Variants in DLGAP2 observed in about 807,000 individuals in gnomAD.
DLGAP2 encodes DLG associated protein 2.
Under a neutral mutation model 100.3 loss-of-function variants are expected in DLGAP2, and 26 were observed. That is an observed-to-expected ratio of 0.26 (90% confidence interval 0.19 to 0.36). The LOEUF is 0.36. Among genes scored for constraint, DLGAP2 ranks in the 10% least tolerant of loss-of-function variants. The pLI is 1.00. For missense variants in DLGAP2, 1,858 were observed against 1,453.2 expected, an observed-to-expected ratio of 1.28 and a Z score of -4.53; for synonymous variants, 886 against 630.1, an observed-to-expected ratio of 1.41 and a Z score of -6.08.
chr8:763,049 T>G (rs1821126724), intron 1 of DLGAP2, among the ~76,000 whole-genome samples: 1 of 151,890 alleles, frequency 6.6e-6, no homozygotes, highest in South Asian at 2.1e-4. Flanking sequence ...TCACGAGTTA[T>G]TCAAAGAGGG....
intron 2 of DLGAP2, chr8:1,002,747 G>T (rs1248418863): frequency 6.6e-6 from 1 of 152,376 alleles, no homozygotes; most frequent in African/African-American, 2.4e-5. Context: ...GATACCAGGG[G>T]CGCACAGTGG....
At chr8:1,470,796 C>T (rs1364833351) in intron 3 of DLGAP2, among the ~76,000 whole-genome samples, 6 of 97,730 alleles carry the variant, frequency 6.1e-5, no homozygotes, top group Admixed American at 4.1e-4. Context: ...CTTTCCCGAC[C>T]CCTCCAGCCT....
intron 3 of DLGAP2, among the ~76,000 whole-genome samples, chr8:1,289,225 A>G (rs17063757): frequency 0.08 from 12,149 of 152,242 alleles, 1,201 homozygotes; most frequent in African/African-American, 0.24. Context: ...AAAACCATTT[A>G]AAGATTGGAT....
At chr8:791,202 C>T (rs1463177077) in intron 1 of DLGAP2, among the ~76,000 whole-genome samples, 3 of 152,146 alleles carry the variant, frequency 2.0e-5, no homozygotes, top group African/African-American at 4.8e-5. Flanking sequence ...TAATAATCAG[C>T]CCTAATCCTG....
At position 825,530 on chromosome 8, in the gene DLGAP2, A is replaced by G. The variant is rs80204781; in HGVS notation, c.19-82382A>G. Among the ~76,000 whole-genome samples the G allele has an allele frequency of 5.7e-3, 872 of 152,306 alleles. 8 individuals are homozygous for G. The highest frequency in any genetic ancestry group is 0.02 in the African/African-American group (817 of 41,586). The stretch of plus-strand genomic sequence containing the variant: ...CCACCCACTGAGAAACTTTGTTAGC[A>G]TGAAGTTCATCTTGTTCCCTTATTA... On this transcript the variant is annotated intron_variant, in intron 1 of 14. Transcript: ENST00000637795.
intron 3 of DLGAP2, among the ~76,000 whole-genome samples, chr8:1,299,242 G>C (rs973944381): frequency 3.3e-5 from 5 of 152,214 alleles, no homozygotes; most frequent in African/African-American, 9.6e-5. Context: ...ATAGATGCCA[G>C]TCCTGACCGT....
intron 2 of DLGAP2, among the ~76,000 whole-genome samples, chr8:1,165,912 C>T (rs1351419117): frequency 6.6e-6 from 1 of 151,100 alleles, no homozygotes; most frequent in African/African-American, 2.4e-5. Context: ...AAGATAATAA[C>T]AGATTTTGTT....
chr8:1,142,070 A>T (rs575441425), intron 2 of DLGAP2, among the ~76,000 whole-genome samples: 1 of 101,290 alleles, frequency 9.9e-6, no homozygotes, highest in East Asian at 2.9e-4. Flanking sequence ...GCCTACGTAT[A>T]TAAGTTTTTT....
intron 2 of DLGAP2, among the ~76,000 whole-genome samples, chr8:1,008,688 G>C (rs1031904128): frequency 6.6e-6 from 1 of 152,196 alleles, no homozygotes; most frequent in Non-Finnish European, 1.5e-5. Context: ...GCCTCTGCAG[G>C]AGGACTGGTA....
intron 1 of DLGAP2, among the ~76,000 whole-genome samples, chr8:840,764 T>A (rs1796969167): frequency 6.6e-6 from 1 of 152,134 alleles, no homozygotes; most frequent in East Asian, 1.9e-4. Flanking sequence ...CACTCTGGAT[T>A]CTGCGAGCGC....
At chr8:1,547,530 G>A (rs1801583136) in intron 4 of DLGAP2, among the ~76,000 whole-genome samples, 2 of 152,090 alleles carry the variant, frequency 1.3e-5, no homozygotes, top group South Asian at 4.2e-4. Context: ...AGGGGGGCCT[G>A]CCAGAAGGAG....
At chr8:1,528,608 C>T (rs571387913) in intron 4 of DLGAP2, among the ~76,000 whole-genome samples, 1 of 152,250 alleles carries the variant, frequency 6.6e-6, no homozygotes, top group African/African-American at 2.4e-5. Context: ...CTGGCTCTGT[C>T]TCCTGTCACC....
rs114379227 is a variant in DLGAP2 at position 928,014 on chromosome 8, C to T, written c.73+20048C>T. ...CACGTGTGTGCAGTAGAAGGGATGC[C>T]GGCCAGCCATGGGGTCCCGGGAGAA... On this transcript the variant is annotated intron_variant, in intron 2 of 14. Coordinates refer to ENST00000637795, the MANE Select transcript of DLGAP2 (RefSeq NM_001346810.2). 7.7e-3 allele frequency among the ~76,000 whole-genome samples: 1,171 copies of T among 152,266 alleles called. 23 individuals carry two copies. Among genetic ancestry groups the T allele is most frequent in the African/African-American group, 0.027 (1,114 of 41,554 alleles).
At chr8:1,571,394 A>ATG (rs1802671193) in intron 6 of DLGAP2, among the ~76,000 whole-genome samples, 1 of 106,386 alleles carries the variant, frequency 9.4e-6, no homozygotes, top group Non-Finnish European at 1.9e-5. Flanking sequence ...CTGTGGGGGC[A>ATG]TCTGATGAGA....
At chr8:1,510,776 A>C (rs1013070686) in intron 4 of DLGAP2, among the ~76,000 whole-genome samples, 3 of 152,304 alleles carry the variant, frequency 2.0e-5, no homozygotes, top group Non-Finnish European at 2.9e-5. Context: ...CTGCTTCCCC[A>C]AGGAAACTAA....
intron 1 of DLGAP2, among the ~76,000 whole-genome samples, chr8:788,468 C>T (rs1475320741): frequency 6.6e-6 from 1 of 152,228 alleles, no homozygotes; most frequent in African/African-American, 2.4e-5. Context: ...AAGCCTCAGC[C>T]TTTGGGGCTT....
chr8:1,133,997 C>T (rs1796351172), intron 2 of DLGAP2, among the ~76,000 whole-genome samples: 1 of 152,042 alleles, frequency 6.6e-6, no homozygotes, highest in African/African-American at 2.4e-5. Context: ...CCCCCTCCTC[C>T]CCCCTCCACC....
At chr8:849,182 C>G (rs574139018) in intron 1 of DLGAP2, among the ~76,000 whole-genome samples, 1 of 150,726 alleles carries the variant, frequency 6.6e-6, no homozygotes, top group Non-Finnish European at 1.5e-5. Flanking sequence ...TTGTTCCAGT[C>G]TAGGATCTTG....
At chr8:1,368,256 G>T (rs2129692223) in intron 3 of DLGAP2, among the ~76,000 whole-genome samples, 1 of 152,170 alleles carries the variant, frequency 6.6e-6, no homozygotes, top group African/African-American at 2.4e-5. Context: ...GAGCATGTGT[G>T]TGCGTGTGTG....
Sources: gnomAD v4.1 joint callset for allele counts (sites outside exome capture counted in the v4.1 genomes callset) on GRCh38, gnomAD v4.1.1 for gene constraint, MANE v1.5 for transcripts, NCBI Gene and HGNC (gene_info 2026-07-23, HGNC 2026-07-21) for gene names.